CDH22: variants seen among roughly 807,000 people sequenced by gnomAD.
CDH22 encodes the protein cadherin 22, also known as cadherin-22.
In CDH22, 30 loss-of-function variants were observed where a neutral mutation model predicts 58.4. The observed-to-expected ratio is 0.51, with a 90% CI of 0.38 to 0.70. CDH22 has a LOEUF of 0.70. Among genes scored for constraint, CDH22 ranks in the 30% least tolerant of loss-of-function variants. The pLI is 0.00. For synonymous variants in CDH22, 513 were observed against 558.2 expected (o/e 0.92, Z 1.14); for missense variants, 1,014 against 1,233.9 (o/e 0.82, Z 2.67).
chr20:46,226,759 C>T lies in CDH22; in HGVS notation c.670+749G>A, dbSNP rs1397423943. Among the ~76,000 whole-genome samples, 16 of 152,334 alleles carry T rather than the reference C, an allele frequency of 1.1e-4. 1 individual carries two copies. In the East Asian group the frequency reaches 2.3e-3, roughly 22 times the overall value. ...CCGCCTTCACCCAAGCCAGGCCCCT[C>T]CTATCCCAGGAGCAGTGAGAGCACC... On this transcript the variant is annotated intron_variant, in intron 4 of 11. Coordinates refer to ENST00000537909, the MANE Select transcript of CDH22 (RefSeq NM_021248.3).
At position 46,174,869 on chromosome 20, in the gene CDH22, C is replaced by A. The variant is rs776500095; in HGVS notation, c.2124G>T (p.Gly708=). 1 of 1,345,666 alleles carries A rather than the reference C, an allele frequency of 7.4e-7. No homozygotes were observed. The highest frequency in any genetic ancestry group is 1.5e-5 in the African/African-American group (1 of 66,778). 83.4% of individuals were successfully genotyped at this position (1,345,666 alleles called of 1,614,324 possible). Reference sequence around the variant, plus strand: ...CCCCGCCCGAGCCCCCGCCCGCTCCCCCGCCCGCGCTGCCGCCCCCGTCGC... The same window carrying A: ...CCCCGCCCGAGCCCCCGCCCGCTCCACCGCCCGCGCTGCCGCCCCCGTCGC... ...KGGDGGGSAG[G]GAGGGSGGGA... The change falls in exon 12 of 12, where the codon GGG becomes GGT. Residue 708 remains glycine (G), a synonymous_variant. Coordinates refer to ENST00000537909, the MANE Select transcript of CDH22 (RefSeq NM_021248.3). The surrounding 1 kb of genome is among the most constrained non-coding windows in gnomAD (Gnocchi z 4.4).
At chr20:46,248,090 G>A (rs1217687397) in intron 2 of CDH22, among the ~76,000 whole-genome samples, 1 of 152,220 alleles carries the variant, frequency 6.6e-6, no homozygotes, top group Non-Finnish European at 1.5e-5. Context: ...CTGCAACTAT[G>A]TTGCTGTGTA....
Position 46,210,295 on chromosome 20 carries a change from C to A in CDH22, c.1286+12G>T. ...GCAGGCAGCAGGCGTCGGCCCCGGG[C>A]GGGGGTCTCACCGGACGGGCCGGTT... On this transcript the variant is annotated intron_variant, in intron 7 of 11. Coordinates refer to ENST00000537909, the MANE Select transcript of CDH22 (RefSeq NM_021248.3). This position sits in a 1 kb window ranked among gnomAD's most constrained non-coding sequence, Gnocchi z 4.5. 1.4e-6 allele frequency: 2 copies of A among 1,401,110 alleles called. No homozygotes were observed. The highest frequency in any genetic ancestry group is 1.5e-5 in the South Asian group (1 of 65,974). The allele number at this position is 1,401,110 out of a possible 1,614,324, so 86.8% of individuals were successfully genotyped here.
At chr20:46,220,652 G>A (rs1341467497) in intron 4 of CDH22, 1 of 152,414 alleles carries the variant, frequency 6.6e-6, no homozygotes, top group African/African-American at 2.4e-5. Context: ...GGCTGGAGCA[G>A]GGGCCTGGCT....
rs779187463 is a variant in CDH22 at position 46,199,413 on chromosome 20, C to A, written c.1423+10G>T. ...ATTTGCCCTTGGAGGGGGCGTGGCGCCCAGCTCACCCGCCTCCATGGCCAG... is the reference window on the plus strand; with the variant it reads ...ATTTGCCCTTGGAGGGGGCGTGGCGACCAGCTCACCCGCCTCCATGGCCAG... On this transcript the variant is annotated intron_variant, in intron 8 of 11. Transcript: ENST00000537909. 98 of 1,605,830 alleles carry A rather than the reference C, an allele frequency of 6.1e-5. No homozygotes were observed. Among genetic ancestry groups the A allele is most frequent in the Non-Finnish European group, 8.3e-5 (98 of 1,178,764 alleles).
intron 2 of CDH22, among the ~76,000 whole-genome samples, chr20:46,248,039 CA>C (rs1250146813): frequency 2.6e-5 from 4 of 152,192 alleles, no homozygotes; most frequent in Non-Finnish European, 5.9e-5. Flanking sequence ...TTGAAGTGAG[CA>C]CGGAGATTGT....
chr20:46,177,712 T>TGAAAAA (rs1398685945), intron 11 of CDH22, among the ~76,000 whole-genome samples: 3 of 152,230 alleles, frequency 2.0e-5, no homozygotes, highest in African/African-American at 7.2e-5. Context: ...AGGTTTGGGC[T>TGAAAAA]ACACGTGAAT....
intron 7 of CDH22, among the ~76,000 whole-genome samples, chr20:46,207,084 C>T (rs375044005): frequency 6.6e-6 from 1 of 152,178 alleles, no homozygotes. Flanking sequence ...CCAGGCCTGG[C>T]TCAGGGCCTG....
At chr20:46,228,897 G>A (rs1224674658) in intron 3 of CDH22, among the ~76,000 whole-genome samples, 28 of 152,178 alleles carry the variant, frequency 1.8e-4, no homozygotes, top group Admixed American at 1.5e-3. Context: ...CCCGCCGCCC[G>A]CCTCTCCCGC....
intron 1 of CDH22, among the ~76,000 whole-genome samples, chr20:46,274,895 C>A (rs1464079428): frequency 4.6e-5 from 7 of 151,074 alleles, no homozygotes; most frequent in Non-Finnish European, 7.4e-5. Context: ...GAATAGGCAA[C>A]TCTATAGAGA....
At chr20:46,242,658 C>T (rs981172806) in intron 2 of CDH22, among the ~76,000 whole-genome samples, 27 of 152,118 alleles carry the variant, frequency 1.8e-4, no homozygotes, top group Non-Finnish European at 3.4e-4. Flanking sequence ...CACAGAGAGG[C>T]CCAGGGGGCT....
At chr20:46,191,496 A>G (rs560333430) in intron 8 of CDH22, among the ~76,000 whole-genome samples, 101 of 152,282 alleles carry the variant, frequency 6.6e-4, no homozygotes, top group Non-Finnish European at 1.2e-3. Flanking sequence ...GGGCGCTCCT[A>G]TGAATGTGCT....
At chr20:46,231,808 G>A (rs1386972361) in intron 3 of CDH22, among the ~76,000 whole-genome samples, 2 of 152,150 alleles carry the variant, frequency 1.3e-5, no homozygotes, top group African/African-American at 4.8e-5. Flanking sequence ...GTGGTTTCAG[G>A]TCCTACCACT....
At chr20:46,199,021 T>C (rs2145669807) in intron 8 of CDH22, among the ~76,000 whole-genome samples, 1 of 152,322 alleles carries the variant, frequency 6.6e-6, no homozygotes, top group African/African-American at 2.4e-5. Flanking sequence ...TTGATAGTCT[T>C]GTTCTCCCTA....
intron 2 of CDH22, among the ~76,000 whole-genome samples, chr20:46,250,407 CT>C (rs1239769632): frequency 6.6e-6 from 1 of 152,216 alleles, no homozygotes; most frequent in African/African-American, 2.4e-5. Context: ...GACAGCAGAT[CT>C]GTCCTAGCCT....
intron 1 of CDH22, among the ~76,000 whole-genome samples, chr20:46,255,997 A>G (rs2086404935): frequency 6.6e-6 from 1 of 151,986 alleles, no homozygotes; most frequent in South Asian, 2.1e-4. Context: ...CCCTGTCCAC[A>G]CTTCAGCCTC....
intron 1 of CDH22, among the ~76,000 whole-genome samples, chr20:46,293,313 C>T (rs547336961): frequency 8.5e-5 from 13 of 152,272 alleles, no homozygotes; most frequent in African/African-American, 2.6e-4. Flanking sequence ...ATGAAGCTGC[C>T]GCTACAGGGA....
chr20:46,288,426 C>G (rs1366002435), intron 1 of CDH22, among the ~76,000 whole-genome samples: 2 of 152,142 alleles, frequency 1.3e-5, no homozygotes, highest in Non-Finnish European at 2.9e-5. Flanking sequence ...CCTCAGATGA[C>G]CACATGTAAC....
chr20:46,286,259 A>T (rs1430435467), intron 1 of CDH22, among the ~76,000 whole-genome samples: 1 of 152,108 alleles, frequency 6.6e-6, no homozygotes, highest in Non-Finnish European at 1.5e-5. Context: ...CTCAAGCTGG[A>T]TTTGAACCCA....
Sources: allele counts gnomAD v4.1 joint callset (sites outside exome capture counted in the v4.1 genomes callset), GRCh38; gene constraint gnomAD v4.1.1; non-coding constraint Gnocchi (gnomAD v3.1); transcripts MANE v1.5; gene names NCBI Gene and HGNC (gene_info 2026-07-23, HGNC 2026-07-21).